The following C1orf94 variants were observed in gnomAD, a reference collection of about 807,000 sequenced individuals.
The protein encoded by C1orf94 is uncharacterized protein C1orf94.
In C1orf94, 45 loss-of-function variants were observed where a neutral mutation model predicts 53.6. The observed-to-expected ratio is 0.84, with a 90% CI of 0.66 to 1.08. The LOEUF (loss-of-function observed/expected upper bound fraction) is 1.08, where lower values mean the gene tolerates loss of function less well. Ranked by LOEUF, C1orf94 falls within the 50% of genes least tolerant of loss-of-function variation. The pLI, the probability that C1orf94 is intolerant of heterozygous loss-of-function variation, is 0.00. For missense variants in C1orf94, 762 were observed against 738.9 expected, an observed-to-expected ratio of 1.03 and a Z score of -0.36; for synonymous variants, 304 against 296.1, an observed-to-expected ratio of 1.03 and a Z score of -0.27.
chr1:34,180,333 T>A (rs1285868714), intron 1 of C1orf94, among the ~76,000 whole-genome samples: 5 of 152,266 alleles, frequency 3.3e-5, no homozygotes, highest in Non-Finnish European at 5.9e-5. Flanking sequence ...CATCTCTTTT[T>A]ACTTTTTATT....
Position 34,208,169 on chromosome 1 carries a change from C to T in C1orf94, c.1459C>T (p.Gln487Ter). Reference protein sequence around the residue: ...TFLQYQGLYPQQAARMPYQQA... With the variant: ...TFLQYQGLYP ...TGTTTCTCCCCAGGGCCTGTACCCA[C>T]AGCAGGCAGCGAGGATGCCCTATCA... Residue 487 changes from glutamine (Q) to a stop codon, truncating the protein, a stop_gained, in exon 5 of 7, where the codon CAG (glutamine) becomes TAG (stop). Transcript: ENST00000488417. LOFTEE classifies it high-confidence loss of function. The T allele has an allele frequency of 6.2e-7, 1 of 1,614,146 alleles. No individual in the cohort carries two copies. Among genetic ancestry groups the T allele is most frequent in the Non-Finnish European group, 8.5e-7 (1 of 1,180,012 alleles).
intron 2 of C1orf94, 90 bp downstream of exon 2, chr1:34,198,003 C>T (rs1309425865): frequency 1.5e-6 from 2 of 1,306,844 alleles, no homozygotes; most frequent in East Asian, 2.4e-5. Flanking sequence ...GTACATAAAG[C>T]ATCTTCATGC....
intron 6 of C1orf94, among the ~76,000 whole-genome samples, chr1:34,212,857 G>A (rs546767898): frequency 3.3e-5 from 5 of 152,070 alleles, no homozygotes; most frequent in East Asian, 1.9e-4. Flanking sequence ...TGGGCCCTGC[G>A]GAAGAGCCTT....
At chr1:34,204,329 G>A (rs1403330501) in intron 4 of C1orf94, among the ~76,000 whole-genome samples, 1 of 152,096 alleles carries the variant, frequency 6.6e-6, no homozygotes. Context: ...CAAGCTTTTT[G>A]TTTGTGTGTG....
intron 4 of C1orf94, among the ~76,000 whole-genome samples, chr1:34,204,575 C>A (rs1642763992): frequency 6.6e-6 from 1 of 152,190 alleles, no homozygotes; most frequent in South Asian, 2.1e-4. Flanking sequence ...TATGATTCTA[C>A]CCTTTCATTT....
chr1:34,180,482 T>C (rs1642296577), intron 1 of C1orf94, among the ~76,000 whole-genome samples: 1 of 152,248 alleles, frequency 6.6e-6, no homozygotes, highest in African/African-American at 2.4e-5. Flanking sequence ...AAATTACTTT[T>C]ACAGATAACG....
chr1:34,171,257 C>T (rs574084355), intron 1 of C1orf94, among the ~76,000 whole-genome samples: 1 of 152,330 alleles, frequency 6.6e-6, no homozygotes, highest in South Asian at 2.1e-4. Context: ...GCTTTCTCTC[C>T]CCTTTCCCCT....
chr1:34,193,792 A>G (rs1014639856), intron 1 of C1orf94, among the ~76,000 whole-genome samples: 2 of 152,218 alleles, frequency 1.3e-5, no homozygotes, highest in Admixed American at 1.3e-4. Context: ...TGCAAGGGAA[A>G]TATTAATTGT....
At chr1:34,201,615 T>TA (rs1642708470) in intron 3 of C1orf94, among the ~76,000 whole-genome samples, 1 of 152,222 alleles carries the variant, frequency 6.6e-6, no homozygotes, top group South Asian at 2.1e-4. Flanking sequence ...CCCATATAGA[T>TA]ACAACAACCT....
At chr1:34,185,955 A>G (rs1333830781) in intron 1 of C1orf94, among the ~76,000 whole-genome samples, 1 of 152,238 alleles carries the variant, frequency 6.6e-6, no homozygotes, top group African/African-American at 2.4e-5. Flanking sequence ...TGCTCATGTT[A>G]TTCCACTACC....
intron 3 of C1orf94, among the ~76,000 whole-genome samples, chr1:34,201,355 T>C (rs1264061384): frequency 6.6e-6 from 1 of 152,212 alleles, no homozygotes; most frequent in Non-Finnish European, 1.5e-5. Flanking sequence ...AGATTATTTC[T>C]ATATTGAGAT....
chr1:34,218,484 C>T lies in C1orf94; in HGVS notation c.1722-202C>T, dbSNP rs116260997. ...TGATCCAAGTAAGCATAAGGAGAAG[C>T]GCTTGATTGTCCTCTAATTGTATTA... is the stretch of plus-strand genomic sequence containing the variant. On this transcript the variant is annotated intron_variant, in intron 6 of 6. Coordinates refer to ENST00000488417, the MANE Select transcript of C1orf94 (RefSeq NM_001134734.2). Among the ~76,000 whole-genome samples the T allele has an allele frequency of 7.1e-3, 1,075 of 152,186 alleles. 11 individuals are homozygous for T. Among genetic ancestry groups the T allele is most frequent in the African/African-American group, 0.025 (1,042 of 41,502 alleles).
intron 1 of C1orf94, among the ~76,000 whole-genome samples, chr1:34,184,733 C>T (rs1642359947): frequency 6.6e-6 from 1 of 152,202 alleles, no homozygotes; most frequent in Non-Finnish European, 1.5e-5. Context: ...AATGGCTCTC[C>T]CAACAAACAT....
chr1:34,211,315 T>C (rs1434193629), intron 5 of C1orf94, among the ~76,000 whole-genome samples: 1 of 152,128 alleles, frequency 6.6e-6, no homozygotes, highest in Non-Finnish European at 1.5e-5. Context: ...TTAACATATG[T>C]TTGTTAAGCA....
At position 34,197,367 on chromosome 1, in the gene C1orf94, A is replaced by C. The variant is rs1360436970; in HGVS notation, c.463A>C (p.Arg155=). Residue 155 remains arginine (R), a synonymous_variant, in exon 2 of 7, where the codon AGA becomes CGA. Coordinates refer to ENST00000488417, the MANE Select transcript of C1orf94 (RefSeq NM_001134734.2). This position sits in a 1 kb window ranked among gnomAD's most constrained non-coding sequence, Gnocchi z 4.1. ...ACCCGGCAGCTCTCCCGAGGGGACC[A>C]GAGAGCTGGCTCCCTGCATTCTTGC... ...EVPGSSPEGT[R]ELAPCILAPP... is the part of the protein sequence containing the mutation. The C allele has an allele frequency of 6.2e-7, 1 of 1,611,548 alleles. No homozygotes were observed. The highest frequency in any genetic ancestry group is 8.5e-7 in the Non-Finnish European group (1 of 1,178,650).
chr1:34,175,123 T>C (rs1642204062), upstream of C1orf94, among the ~76,000 whole-genome samples: 1 of 152,190 alleles, frequency 6.6e-6, no homozygotes, highest in African/African-American at 2.4e-5. Flanking sequence ...TGCAGAATTT[T>C]CTAGAAATCT....
chr1:34,178,752 T>C (rs534697662), intron 1 of C1orf94, among the ~76,000 whole-genome samples: 23 of 151,146 alleles, frequency 1.5e-4, no homozygotes, highest in African/African-American at 5.7e-4. Context: ...TGGGCAGATA[T>C]TGTTGAGGAT....
intron 4 of C1orf94, among the ~76,000 whole-genome samples, chr1:34,205,914 G>T (rs566056393): frequency 6.6e-6 from 1 of 152,310 alleles, no homozygotes; most frequent in Admixed American, 6.5e-5. Flanking sequence ...GGGAGGGTGC[G>T]TGGGAAGGGA....
intron 1 of C1orf94, among the ~76,000 whole-genome samples, chr1:34,189,715 T>C (rs1245712873): frequency 2.0e-5 from 3 of 151,840 alleles, no homozygotes; most frequent in Admixed American, 6.6e-5. Context: ...TTTGGTGACC[T>C]CCCTTTCCAC....
Sources: allele counts gnomAD v4.1 joint callset (sites outside exome capture counted in the v4.1 genomes callset), GRCh38; gene constraint gnomAD v4.1.1; non-coding constraint Gnocchi (gnomAD v3.1); transcripts MANE v1.5; gene names NCBI Gene and HGNC (gene_info 2026-07-23, HGNC 2026-07-21).